The following GLIS3 variants were observed in gnomAD, a reference collection of about 807,000 sequenced individuals.
GLIS3 encodes GLIS family zinc finger 3, also known as zinc finger protein GLIS3.
Under a neutral mutation model 78.6 loss-of-function variants are expected in GLIS3, and 53 were observed. That is an observed-to-expected ratio of 0.67 (90% CI 0.54 to 0.85). The LOEUF (loss-of-function observed/expected upper bound fraction) is 0.85, where lower values mean the gene tolerates loss of function less well. Ranked by LOEUF, GLIS3 falls within the 40% of genes least tolerant of loss-of-function variation. The probability of loss-of-function intolerance (pLI) is 0.00; values close to 1 mark genes in which losing one functional copy is unlikely to be tolerated. For missense variants in GLIS3, 1,703 were observed against 1,231.1 expected, an observed-to-expected ratio of 1.38 and a Z score of -5.74; for synonymous variants, 684 against 509.9, an observed-to-expected ratio of 1.34 and a Z score of -4.60.
In GLIS3 at chr9:4,229,109, T is replaced by C. The variant is rs141833666; in HGVS notation, c.388+56929A>G. On this transcript the variant is annotated intron_variant, in intron 2 of 10. Coordinates refer to ENST00000381971, the MANE Select transcript of GLIS3 (RefSeq NM_001042413.2). Reference sequence around the variant, plus strand: ...AAGGTTCATAACAGTGCGTATGATATGCTACCACTGAGGAAAAAGGTAATA... The same window carrying C: ...AAGGTTCATAACAGTGCGTATGATACGCTACCACTGAGGAAAAAGGTAATA... Among the ~76,000 whole-genome samples, 253 of 152,304 alleles carry C rather than the reference T, an allele frequency of 1.7e-3. 2 individuals are homozygous for C. The highest frequency in any genetic ancestry group is 5.6e-3 in the African/African-American group (233 of 41,572).
chr9:3,964,261 AG>A (rs1817767497), intron 4 of GLIS3, among the ~76,000 whole-genome samples: 1 of 152,232 alleles, frequency 6.6e-6, no homozygotes, highest in African/African-American at 2.4e-5. Flanking sequence ...TGAAGCTCGG[AG>A]CAAGCTCATT....
the GLIS3 span, among the ~76,000 whole-genome samples, chr9:4,473,114 G>A: frequency 1.3e-5 from 2 of 152,156 alleles, no homozygotes; most frequent in African/African-American, 4.8e-5. Flanking sequence ...AACCTTGCCA[G>A]TTATTGCAGC....
At chr9:3,930,539 T>A (rs192030649) in intron 6 of GLIS3, among the ~76,000 whole-genome samples, 76 of 152,372 alleles carry the variant, frequency 5.0e-4, no homozygotes, top group Middle Eastern at 6.8e-3. Flanking sequence ...ATACAGAGGT[T>A]GAAACACAAC....
chr9:4,216,354 T>C (rs1220373252), intron 2 of GLIS3, among the ~76,000 whole-genome samples: 1 of 151,708 alleles, frequency 6.6e-6, no homozygotes, highest in Non-Finnish European at 1.5e-5. Context: ...GTGCCTGTAG[T>C]CCGAGCTACT....
At chr9:4,002,259 GGAAACA>G (rs1464083462) in intron 4 of GLIS3, among the ~76,000 whole-genome samples, 2 of 152,138 alleles carry the variant, frequency 1.3e-5, no homozygotes, top group Non-Finnish European at 2.9e-5. Flanking sequence ...AAAAAGTCAA[GGAAACA>G]GATTCTTCCT....
At chr9:4,198,233 T>C (rs1037862699) in intron 2 of GLIS3, among the ~76,000 whole-genome samples, 1 of 151,976 alleles carries the variant, frequency 6.6e-6, no homozygotes, top group Non-Finnish European at 1.5e-5. Flanking sequence ...CAAGACAAGG[T>C]TGAAAAAGCA....
At chr9:4,482,769 T>C in the GLIS3 span, among the ~76,000 whole-genome samples, 1 of 152,154 alleles carries the variant, frequency 6.6e-6, no homozygotes, top group Non-Finnish European at 1.5e-5. Context: ...GGAGAGGCCA[T>C]GAGTCAACTA....
chr9:4,050,859 A>AT, intron 4 of GLIS3, among the ~76,000 whole-genome samples: 1 of 152,302 alleles, frequency 6.6e-6, no homozygotes, highest in Non-Finnish European at 1.5e-5. Context: ...GTAAGAGGAG[A>AT]TAAAAAGTGT....
intron 8 of GLIS3, among the ~76,000 whole-genome samples, chr9:3,869,109 C>T (rs1422084371): frequency 2.6e-5 from 4 of 152,168 alleles, no homozygotes; most frequent in South Asian, 4.2e-4. Flanking sequence ...AGCATACTGC[C>T]TGGTATATAA....
chr9:4,096,132 G>A (rs1188578105), intron 4 of GLIS3, among the ~76,000 whole-genome samples: 1 of 151,740 alleles, frequency 6.6e-6, no homozygotes, highest in Non-Finnish European at 1.5e-5. Flanking sequence ...TAAATTCATT[G>A]ACCAAAGGAT....
the GLIS3 span, among the ~76,000 whole-genome samples, chr9:4,468,953 A>C: frequency 1.3e-5 from 2 of 152,214 alleles, no homozygotes; most frequent in Admixed American, 6.5e-5. Flanking sequence ...TCTACCAAGC[A>C]AATGGAAAGC....
the GLIS3 span, among the ~76,000 whole-genome samples, chr9:4,406,349 T>C: frequency 6.6e-6 from 1 of 152,226 alleles, no homozygotes; most frequent in Non-Finnish European, 1.5e-5. Context: ...GTTTTGCTCT[T>C]GTCTCTTGTT....
At chr9:4,360,820 G>A in the GLIS3 span, among the ~76,000 whole-genome samples, 2 of 152,256 alleles carry the variant, frequency 1.3e-5, no homozygotes, top group Non-Finnish European at 2.9e-5. Context: ...TCACTTGGGA[G>A]CAGGCATTTC....
intron 2 of GLIS3, among the ~76,000 whole-genome samples, chr9:4,253,355 G>C (rs1193329143): frequency 6.6e-6 from 1 of 152,236 alleles, no homozygotes; most frequent in Admixed American, 6.5e-5. Flanking sequence ...GCTTTGCCAA[G>C]GTGCAGTGGG....
chr9:4,059,576 G>C (rs1168060362), intron 4 of GLIS3, among the ~76,000 whole-genome samples: 1 of 152,172 alleles, frequency 6.6e-6, no homozygotes, highest in Non-Finnish European at 1.5e-5. Context: ...TTCTGCACTT[G>C]AACATCCATG....
At chr9:4,011,034 C>CG (rs1563945404) in intron 4 of GLIS3, among the ~76,000 whole-genome samples, 1 of 152,090 alleles carries the variant, frequency 6.6e-6, no homozygotes, top group Non-Finnish European at 1.5e-5. Context: ...AGGAGCTCAG[C>CG]GGGGAGTGGA....
intron 2 of GLIS3, among the ~76,000 whole-genome samples, chr9:4,339,107 T>C (rs796366138): frequency 4.4e-4 from 67 of 152,292 alleles, no homozygotes; most frequent in African/African-American, 1.4e-3. Flanking sequence ...CTCGATATGT[T>C]TGGGAGGATA....
At chr9:4,279,324 T>TACACACACACACACACACAC (rs141790371) in intron 2 of GLIS3, among the ~76,000 whole-genome samples, 2 of 84,922 alleles carry the variant, frequency 2.4e-5, no homozygotes, top group African/African-American at 9.5e-5. Context: ...AATATATATA[T>TACACACACACACACACACAC]ACACACACAC....
chr9:3,873,300 A>C (rs1821083347), intron 8 of GLIS3, among the ~76,000 whole-genome samples: 1 of 152,268 alleles, frequency 6.6e-6, no homozygotes, highest in African/African-American at 2.4e-5. Context: ...CAAAAATAAA[A>C]CTGCAGGCCA....
Sources: allele counts gnomAD v4.1 joint callset (sites outside exome capture counted in the v4.1 genomes callset), GRCh38; gene constraint gnomAD v4.1.1; transcripts MANE v1.5; gene names NCBI Gene and HGNC (gene_info 2026-07-23, HGNC 2026-07-21).